WWTR1: variants seen among roughly 807,000 people sequenced by gnomAD.
WWTR1 encodes WW domain-containing transcription regulator protein 1.
In WWTR1, 13 loss-of-function variants were observed where a neutral mutation model predicts 40.1. That is an observed-to-expected ratio of 0.32 (90% CI 0.21 to 0.52). The LOEUF (loss-of-function observed/expected upper bound fraction) is 0.52. Ranked by LOEUF, WWTR1 falls within the 20% of genes least tolerant of loss-of-function variation. The pLI, the probability that WWTR1 is intolerant of heterozygous loss-of-function variation, is 0.97. For missense variants in WWTR1, 436 were observed against 523.1 expected, an observed-to-expected ratio of 0.83 and a Z score of 1.63; for synonymous variants, 230 against 210.1, an observed-to-expected ratio of 1.09 and a Z score of -0.82.
chr3:149,536,523 C>T (rs1000806417), intron 4 of WWTR1, among the ~76,000 whole-genome samples: 1 of 151,698 alleles, frequency 6.6e-6, no homozygotes, highest in Admixed American at 6.6e-5. Flanking sequence ...GTGCTGCTCA[C>T]AGCCAGGTGT....
chr3:149,589,943 T>C (rs901961281), intron 2 of WWTR1, among the ~76,000 whole-genome samples: 3 of 152,224 alleles, frequency 2.0e-5, no homozygotes, highest in Non-Finnish European at 4.4e-5. Context: ...TAGGAAGATT[T>C]GTTCCTTACT....
chr3:149,580,757 C>A (rs973460268), intron 2 of WWTR1, among the ~76,000 whole-genome samples: 1 of 152,150 alleles, frequency 6.6e-6, no homozygotes, highest in African/African-American at 2.4e-5. Flanking sequence ...GGATTATAGG[C>A]GTGTGCCACC....
At chr3:149,522,115 T>A (rs944816402) in intron 6 of WWTR1, among the ~76,000 whole-genome samples, 3 of 152,228 alleles carry the variant, frequency 2.0e-5, no homozygotes, top group Admixed American at 1.3e-4. Context: ...AGAGATAATA[T>A]CTACTTCAAA....
intron 1 of WWTR1, among the ~76,000 whole-genome samples, chr3:149,694,118 G>A (rs1311528791): frequency 6.6e-6 from 1 of 152,214 alleles, no homozygotes; most frequent in African/African-American, 2.4e-5. Flanking sequence ...AATAGGCTGG[G>A]CGCGGTGGCT....
chr3:149,542,910 G>A lies in WWTR1; in HGVS notation c.569-373C>T, dbSNP rs75367179. Among the ~76,000 whole-genome samples, 969 of 152,210 alleles carry A rather than the reference G, an allele frequency of 6.4e-3. 14 individuals are homozygous for A. The highest frequency in any genetic ancestry group is 0.022 in the African/African-American group (919 of 41,542). ...TGTGTGTGTGTGTGTGTGTGCATGT[G>A]TATACTTTCTCAGTTAATTTGTGTG... On this transcript the variant is annotated intron_variant, in intron 3 of 6. Transcript: ENST00000360632.
intron 3 of WWTR1, among the ~76,000 whole-genome samples, chr3:149,545,288 A>C (rs1258648997): frequency 6.6e-6 from 1 of 152,200 alleles, no homozygotes; most frequent in African/African-American, 2.4e-5. Flanking sequence ...TTAATTCATG[A>C]AACCTATTTC....
intron 4 of WWTR1, among the ~76,000 whole-genome samples, chr3:149,536,129 G>A (rs572737233): frequency 1.3e-5 from 2 of 152,302 alleles, no homozygotes; most frequent in East Asian, 1.9e-4. Flanking sequence ...CAAATAAAAC[G>A]CTTGACACAA....
At chr3:149,672,721 TA>T (rs1188675607) in intron 1 of WWTR1, among the ~76,000 whole-genome samples, 1 of 151,642 alleles carries the variant, frequency 6.6e-6, no homozygotes, top group East Asian at 1.9e-4. Context: ...AATGTTTATA[TA>T]AAAAATCTTT....
At chr3:149,644,203 CT>C (rs1358001546) in intron 2 of WWTR1, among the ~76,000 whole-genome samples, 1 of 152,182 alleles carries the variant, frequency 6.6e-6, no homozygotes, top group Non-Finnish European at 1.5e-5. Flanking sequence ...GCTTTACTCG[CT>C]GCCTTTATCC....
chr3:149,603,558 CT>C (rs906773316), intron 2 of WWTR1, among the ~76,000 whole-genome samples: 1 of 148,720 alleles, frequency 6.7e-6, no homozygotes, highest in Non-Finnish European at 1.5e-5. Context: ...CCACCCCCCC[CT>C]TGTACTCCAC....
Position 149,520,070 on chromosome 3 carries a change from T to G in WWTR1, c.*735A>C, listed in dbSNP as rs570377774. 3 of 152,344 alleles carry G rather than the reference T, an allele frequency of 2.0e-5. No individual in the cohort carries two copies. The South Asian group carries it at 6.2e-4, about 32-fold the overall frequency. The allele number at this position is 152,344 out of a possible 1,614,324, so 9.4% of individuals were successfully genotyped here. On this transcript the variant is annotated 3_prime_UTR_variant, in exon 7 of 7. Transcript: ENST00000360632. ...AAAATGCTCATAATTAGTACCAAAC[T>G]GGTCTCTTTCACAAGATCTGTAGTG...
At chr3:149,644,706 A>G (rs900531006) in intron 2 of WWTR1, among the ~76,000 whole-genome samples, 1 of 152,240 alleles carries the variant, frequency 6.6e-6, no homozygotes, top group African/African-American at 2.4e-5. Flanking sequence ...GTCAAGTCAT[A>G]TATACATATA....
intron 1 of WWTR1, among the ~76,000 whole-genome samples, chr3:149,691,179 G>T (rs899378245): frequency 6.6e-6 from 1 of 151,702 alleles, no homozygotes; most frequent in Non-Finnish European, 1.5e-5. Flanking sequence ...GTAGTAAGAG[G>T]AAAGTTTATA....
At chr3:149,652,490 G>A (rs956315874) in intron 2 of WWTR1, among the ~76,000 whole-genome samples, 1 of 150,802 alleles carries the variant, frequency 6.6e-6, no homozygotes, top group African/African-American at 2.4e-5. Flanking sequence ...AAATATGGTG[G>A]TGCAAACCTA....
At chr3:149,647,711 A>C (rs1712617062) in intron 2 of WWTR1, among the ~76,000 whole-genome samples, 1 of 152,214 alleles carries the variant, frequency 6.6e-6, no homozygotes, top group African/African-American at 2.4e-5. Context: ...AGATAAAAAG[A>C]CCATAATTTC....
chr3:149,692,760 A>G (rs1403013109), intron 1 of WWTR1, among the ~76,000 whole-genome samples: 1 of 152,076 alleles, frequency 6.6e-6, no homozygotes, highest in Non-Finnish European at 1.5e-5. Flanking sequence ...CAGCCTCCCA[A>G]GTAGCTGGGA....
At chr3:149,594,712 GACACACACACAAAC>G (rs950010143) in intron 2 of WWTR1, among the ~76,000 whole-genome samples, 2 of 149,882 alleles carry the variant, frequency 1.3e-5, no homozygotes, top group Non-Finnish European at 2.9e-5. Context: ...GGGGAAAACA[GACACACACACAAAC>G]ACACACACAC....
At chr3:149,709,577 T>C (rs1715427986) in intron 5 of WWTR1, among the ~76,000 whole-genome samples, 1 of 152,144 alleles carries the variant, frequency 6.6e-6, no homozygotes, top group African/African-American at 2.4e-5. Context: ...GTTTGTTGTT[T>C]TTTTGGAAGG....
rs34574065 is a variant in WWTR1 at position 149,588,693 on chromosome 3, T to C, written c.432-15693A>G. Among the ~76,000 whole-genome samples, 1,386 of 152,254 alleles carry C rather than the reference T, an allele frequency of 9.1e-3. 4 individuals are homozygous for C. The highest frequency in any genetic ancestry group is 0.015 in the Non-Finnish European group (1,009 of 68,018). ...CTTTGTTCTTTTTGTACAATAAGCA[T>C]TATTTTTCTAATCAGAAAAAAAATG... On this transcript the variant is annotated intron_variant, in intron 2 of 6. Transcript: ENST00000360632.
Sources: allele counts gnomAD v4.1 joint callset (sites outside exome capture counted in the v4.1 genomes callset), GRCh38; gene constraint gnomAD v4.1.1; transcripts MANE v1.5; gene names NCBI Gene and HGNC (gene_info 2026-07-23, HGNC 2026-07-21).